Variants in UGGT2 observed in about 807,000 individuals in gnomAD.
UGGT2 encodes UDP-glucose:glycoprotein glucosyltransferase 2.
A neutral mutation model predicts 192.1 loss-of-function variants in UGGT2; 180 were observed. The ratio of observed to expected loss-of-function variants is 0.94; its 90% CI spans 0.83 to 1.06. The LOEUF is 1.06. Ranked by LOEUF, UGGT2 falls within the 50% of genes least tolerant of loss-of-function variation. UGGT2 has a pLI of 0.00. For synonymous variants in UGGT2, 580 were observed against 591.0 expected (o/e 0.98, Z 0.27); for missense variants, 1,849 against 1,795.7 (o/e 1.03, Z -0.54).
Position 95,927,219 on chromosome 13 carries a change from T to A in UGGT2, c.2095A>T (p.Thr699Ser). 1.2e-6 allele frequency: 2 copies of A among 1,611,436 alleles called. No individual in the cohort carries two copies. The highest frequency in any genetic ancestry group is 1.7e-6 in the Non-Finnish European group (2 of 1,178,074). The stretch of plus-strand genomic sequence containing the variant: ...CAGTATAGGATTATTTTACCTGATG[T>A]AGATATTAAATTGAGGTACTGCTGG... ...TNQQYLNLIS[T>S]SVTADVEDFS... Residue 699 changes from threonine to serine, a missense_variant, in exon 18 of 39, where the codon ACA becomes TCA. Coordinates refer to ENST00000376747, the MANE Select transcript of UGGT2 (RefSeq NM_020121.4).
intron 31 of UGGT2, among the ~76,000 whole-genome samples, chr13:95,861,665 A>G (rs1355737428): frequency 6.6e-6 from 1 of 152,182 alleles, no homozygotes; most frequent in Non-Finnish European, 1.5e-5. Context: ...ACTTTTATAT[A>G]AACAGATATT....
At chr13:95,873,037 C>T (rs750816890) in intron 29 of UGGT2, among the ~76,000 whole-genome samples, 4 of 152,114 alleles carry the variant, frequency 2.6e-5, no homozygotes, top group Non-Finnish European at 5.9e-5. Context: ...CAAGATCATA[C>T]GGATAGTTGG....
intron 1 of UGGT2, among the ~76,000 whole-genome samples, chr13:96,047,904 A>T (rs2053365714): frequency 1.3e-5 from 2 of 152,128 alleles, no homozygotes; most frequent in South Asian, 4.2e-4. Flanking sequence ...TTAACACCCC[A>T]CTGTCAACAT....
chr13:95,938,546 C>G (rs1223813202), intron 16 of UGGT2, among the ~76,000 whole-genome samples: 1 of 152,174 alleles, frequency 6.6e-6, no homozygotes, highest in Non-Finnish European at 1.5e-5. Context: ...TCTGTCTGAC[C>G]AAGAGTCTGA....
In UGGT2 at chr13:95,853,653, A is replaced by G; in HGVS notation, c.4174T>C (p.Leu1392=). The G allele has an allele frequency of 6.5e-7, 1 of 1,549,820 alleles. No individual in the cohort carries two copies. The highest frequency in any genetic ancestry group is 2.3e-5 in the East Asian group (1 of 43,084). The change falls in exon 36 of 39, where the codon TTA becomes CTA. Residue 1392 remains leucine (L), a synonymous_variant. Transcript: ENST00000376747. ...AACTTCTTGAGATCCACTACATATA[A>G]AGCACTGCAAAAATGAATTACTTCT... The part of the protein sequence containing the change: ...LLRRKYHISA[L]YVVDLKKFRR...
In UGGT2 at chr13:95,998,720, C is replaced by T. The variant is rs370028223; in HGVS notation, c.757+491G>A. The stretch of plus-strand genomic sequence containing the variant: ...TACAGATAGATATTGGTTAGTAGAT[C>T]ACAAATCTAATGAATCTACTTCATC... On this transcript the variant is annotated intron_variant, in intron 6 of 38. Transcript: ENST00000376747. Among the ~76,000 whole-genome samples the T allele has an allele frequency of 7.2e-5, 11 of 152,048 alleles. No homozygotes were observed. In the South Asian group the frequency reaches 2.1e-3, roughly 29 times the overall value.
At chr13:95,912,442 AACAG>A (rs1372280417) in intron 20 of UGGT2, among the ~76,000 whole-genome samples, 1 of 131,740 alleles carries the variant, frequency 7.6e-6, no homozygotes, top group Non-Finnish European at 1.6e-5. Flanking sequence ...ATACACCATT[AACAG>A]ACAAAGAGAG....
At chr13:95,841,846 T>C (rs1380578354) in intron 36 of UGGT2, among the ~76,000 whole-genome samples, 11 of 152,196 alleles carry the variant, frequency 7.2e-5, no homozygotes. Context: ...TTTGATCCAT[T>C]TTGAGTTAAT....
Position 95,884,545 on chromosome 13 carries a change from C to A in UGGT2, c.3174G>T (p.Trp1058Cys), listed in dbSNP as rs1272189189. 4 of 1,613,734 alleles carry A rather than the reference C, an allele frequency of 2.5e-6. No homozygotes were observed. Among genetic ancestry groups the A allele is most frequent in the Non-Finnish European group, 3.4e-6 (4 of 1,179,898 alleles). The change falls in exon 27 of 39, where the codon TGG becomes TGT. Residue 1058 changes from tryptophan (W) to cysteine (C), a missense_variant. Transcript: ENST00000376747. ...LILNMITPEG[W>C]LVETVHSNCD... Reference sequence around the variant, plus strand: ...AGTTGCTGTGCACTGTTTCAACCAACCAGCCTTCTGGAGTAATCATGTTGA... The same window carrying A: ...AGTTGCTGTGCACTGTTTCAACCAAACAGCCTTCTGGAGTAATCATGTTGA...
At chr13:95,858,313 G>C (rs1889818640) in intron 33 of UGGT2, among the ~76,000 whole-genome samples, 1 of 151,838 alleles carries the variant, frequency 6.6e-6, no homozygotes, top group African/African-American at 2.4e-5. Flanking sequence ...TTTACCTGCA[G>C]ATCTCGGACC....
chr13:95,951,761 T>C (rs1231424047), intron 12 of UGGT2, among the ~76,000 whole-genome samples: 1 of 152,140 alleles, frequency 6.6e-6, no homozygotes, highest in African/African-American at 2.4e-5. Flanking sequence ...CAGCTTGGGG[T>C]TCATCAAACT....
At chr13:96,008,604 A>G (rs997957247) in intron 5 of UGGT2, among the ~76,000 whole-genome samples, 1 of 152,232 alleles carries the variant, frequency 6.6e-6, no homozygotes, top group African/African-American at 2.4e-5. Context: ...ACTGGCAGCC[A>G]AATCAGGAAT....
At chr13:95,850,011 T>C (rs1245021010) in intron 36 of UGGT2, among the ~76,000 whole-genome samples, 2 of 151,872 alleles carry the variant, frequency 1.3e-5, no homozygotes, top group Non-Finnish European at 2.9e-5. Context: ...CCAATTTGTA[T>C]ACCTTTTATT....
chr13:95,952,603 G>A (rs550179184), intron 12 of UGGT2, among the ~76,000 whole-genome samples: 2 of 152,054 alleles, frequency 1.3e-5, no homozygotes, highest in East Asian at 3.9e-4. Context: ...TTGAATCCAG[G>A]CATGTGGAAC....
At chr13:95,889,466 C>A (rs2047740017) in intron 25 of UGGT2, among the ~76,000 whole-genome samples, 2 of 152,048 alleles carry the variant, frequency 1.3e-5, no homozygotes, top group South Asian at 2.1e-4. Context: ...TGATATACAG[C>A]GAATCATATG....
At chr13:95,896,648 A>C (rs2047955513) in intron 22 of UGGT2, among the ~76,000 whole-genome samples, 1 of 152,098 alleles carries the variant, frequency 6.6e-6, no homozygotes, top group African/African-American at 2.4e-5. Context: ...GATTAAATTT[A>C]CCAGAAAACT....
chr13:96,042,470 C>T (rs2053192856), intron 1 of UGGT2, among the ~76,000 whole-genome samples: 1 of 152,022 alleles, frequency 6.6e-6, no homozygotes, highest in African/African-American at 2.4e-5. Flanking sequence ...TTAACACCCC[C>T]CAAAAAAATC....
chr13:95,958,823 G>C (rs1001236295), intron 12 of UGGT2, among the ~76,000 whole-genome samples: 1 of 152,148 alleles, frequency 6.6e-6, no homozygotes, highest in African/African-American at 2.4e-5. Flanking sequence ...TGGAAGCCTA[G>C]AGAGGTTCCC....
At chr13:95,922,501 AAC>A (rs1336242944) in intron 20 of UGGT2, among the ~76,000 whole-genome samples, 4 of 152,306 alleles carry the variant, frequency 2.6e-5, no homozygotes, top group Admixed American at 2.6e-4. Flanking sequence ...TTTTCCCTAT[AAC>A]TACTTATCAA....
Sources: allele counts gnomAD v4.1 joint callset (sites outside exome capture counted in the v4.1 genomes callset), GRCh38; gene constraint gnomAD v4.1.1; transcripts MANE v1.5; gene names NCBI Gene and HGNC (gene_info 2026-07-23, HGNC 2026-07-21).